Variants in TCTN2 observed in about 807,000 individuals in gnomAD.
TCTN2 encodes tectonic family member 2.
In TCTN2, 66 loss-of-function variants were observed where a neutral mutation model predicts 83.4. That is an observed-to-expected ratio of 0.79 (90% CI 0.65 to 0.97). The LOEUF is 0.97. Among genes scored for constraint, TCTN2 ranks in the 50% least tolerant of loss-of-function variants. The probability of loss-of-function intolerance (pLI) is 0.00; values close to 1 mark genes in which losing one functional copy is unlikely to be tolerated. For missense variants in TCTN2, 794 were observed against 858.1 expected (o/e 0.93, Z 0.93); for synonymous variants, 301 against 326.7 (o/e 0.92, Z 0.85).
At position 123,682,211 on chromosome 12, in the gene TCTN2, A is replaced by G. The variant is rs147494896; in HGVS notation, c.564+2922A>G. Among the ~76,000 whole-genome samples the G allele has an allele frequency of 2.0e-3, 307 of 152,234 alleles. 1 individual carries two copies. Among genetic ancestry groups the G allele is most frequent in the African/African-American group, 6.7e-3 (279 of 41,560 alleles). ...GGTCTACAATTCCTGGGCTCAAGCA[A>G]TCCTCTGGCCTCAGCCTCCCAAAGT... On this transcript the variant is annotated intron_variant, in intron 5 of 17. Coordinates refer to ENST00000303372, the MANE Select transcript of TCTN2 (RefSeq NM_024809.5).
Position 123,699,767 on chromosome 12 carries a change from C to G in TCTN2, c.1569C>G (p.Asn523Lys). 6 of 1,614,174 alleles carry G rather than the reference C, an allele frequency of 3.7e-6. No homozygotes were observed. Among genetic ancestry groups the G allele is most frequent in the Non-Finnish European group, 5.1e-6 (6 of 1,180,026 alleles). ...IQATHVAMRG[N>K]SDYADLSDGW... ...CGACTCACGTTGCAATGAGAGGCAACTCCGATTACGCTGATCTTAGTGATG... is the reference window on the plus strand; with the variant it reads ...CGACTCACGTTGCAATGAGAGGCAAGTCCGATTACGCTGATCTTAGTGATG... The change falls in exon 14 of 18, where the codon AAC (asparagine) becomes AAG (lysine). Residue 523 changes from asparagine to lysine, a missense_variant. Coordinates refer to ENST00000303372, the MANE Select transcript of TCTN2 (RefSeq NM_024809.5).
intron 14 of TCTN2, among the ~76,000 whole-genome samples, chr12:123,701,681 T>C (rs1430375410): frequency 6.6e-6 from 1 of 150,758 alleles, no homozygotes; most frequent in Non-Finnish European, 1.5e-5. Context: ...AGGCGGAGCT[T>C]GCTGTGAGCC....
intron 15 of TCTN2, 117 bp downstream of exon 15, chr12:123,704,805 T>C (rs994290376): frequency 7.1e-6 from 8 of 1,125,278 alleles, no homozygotes; most frequent in Admixed American, 1.9e-5. Context: ...CTTGCAATTA[T>C]TAGCAAGATG....
In TCTN2 at chr12:123,699,684, A is replaced by G. The variant is rs1011092991; in HGVS notation, c.1506-20A>G. On this transcript the variant is annotated intron_variant, in intron 13 of 17. Transcript: ENST00000303372. ...AAGACCTGCTGGCCATGAGCTGAGA[A>G]ATGTCTTACTCTCTTGCAGGGAGAA... The G allele has an allele frequency of 6.3e-7, 1 of 1,596,348 alleles. No homozygotes were observed. The highest frequency in any genetic ancestry group is 8.6e-7 in the Non-Finnish European group (1 of 1,163,840).
At position 123,704,758 on chromosome 12, in the gene TCTN2, G is replaced by A. The variant is rs1956211334; in HGVS notation, c.1769+70G>A. The A allele has an allele frequency of 3.9e-6, 6 of 1,529,914 alleles. No homozygotes were observed. The Admixed American group carries it at 1.0e-4, about 26-fold the overall frequency. The allele number at this position is 1,529,914 out of a possible 1,614,324, so 94.8% of individuals were successfully genotyped here. A position where few individuals can be genotyped will look rare whatever the true frequency, so the allele number is the denominator to read the frequency against. ...AAGTTGAGAGCATCCCAAACAATAG[G>A]GAAATGTTTATTTAGAAACTGATTG... On this transcript the variant is annotated intron_variant, in intron 15 of 17. Transcript: ENST00000303372.
Position 123,671,319 on chromosome 12 carries a change from C to CTGGG in TCTN2, c.82_82+3dup. The CTGGG allele has an allele frequency of 6.2e-7, 1 of 1,613,740 alleles. No homozygotes were observed. The highest frequency in any genetic ancestry group is 8.5e-7 in the Non-Finnish European group (1 of 1,179,910). ...CATCCTGAGGCTTCTGTGGGGGGAC[C>CTGGG]TGGGTGTGTACGGCGCGGCAGTGAC... is the stretch of plus-strand genomic sequence containing the variant. On this transcript the variant is annotated frameshift_variant, in exon 1 of 18. Coordinates refer to ENST00000303372, the MANE Select transcript of TCTN2 (RefSeq NM_024809.5). LOFTEE classifies it high-confidence loss of function.
rs1566251659 is a variant in TCTN2 at position 123,686,903 on chromosome 12, T to A, written c.632T>A (p.Val211Asp). 1 of 1,614,198 alleles carries A rather than the reference T, an allele frequency of 6.2e-7. No homozygotes were observed. ...SCFTGVFGGD[V>D]NPPFDQLCSA... The stretch of plus-strand genomic sequence containing the variant: ...TTCACCGGCGTGTTTGGAGGAGACG[T>A]CAATCCTCCTTTTGATCAGCTCTGC... The change falls in exon 6 of 18, where the codon GTC becomes GAC. Residue 211 changes from valine to aspartate, a missense_variant. Physicochemically the swap from Val to Asp is radical, Grantham distance 152. Transcript: ENST00000303372.
chr12:123,692,776 C>T, intron 9 of TCTN2, 53 bp downstream of exon 9: 6 of 1,390,776 alleles, frequency 4.3e-6, no homozygotes, highest in Admixed American at 1.7e-5. Flanking sequence ...TATGTCATTT[C>T]TTACAAGTAA....
rs528503122 is a variant in TCTN2, at chr12:123,671,723, A to C, written c.190+109A>C. 11 of 918,438 alleles carry C rather than the reference A, an allele frequency of 1.2e-5. No individual in the cohort carries two copies. The East Asian group carries it at 2.8e-4, about 24-fold the overall frequency. 56.9% of individuals were successfully genotyped at this position (918,438 alleles called of 1,614,324 possible). ...GGGCCCCCTGCCTCTGTTCTCTGCA[A>C]AGTCGCATGGGGAGAAAAGGATCGG... On this transcript the variant is annotated intron_variant, in intron 2 of 17. Transcript: ENST00000303372.
At chr12:123,675,781 A>G (rs930098639) in intron 4 of TCTN2, among the ~76,000 whole-genome samples, 7 of 152,232 alleles carry the variant, frequency 4.6e-5, no homozygotes, top group Non-Finnish European at 1.0e-4. Flanking sequence ...AAGGGCTGAC[A>G]GTGAGGAATT....
Position 123,707,043 on chromosome 12 carries a change from C to G in TCTN2, c.1954C>G (p.Leu652Val). 6.2e-7 allele frequency: 1 copy of G among 1,613,734 alleles called. No homozygotes were observed. Among genetic ancestry groups the G allele is most frequent in the Non-Finnish European group, 8.5e-7 (1 of 1,179,988 alleles). ...CNRNEVCWPQLLYPWTQYYQG... is the reference protein window; with the variant it reads ...CNRNEVCWPQVLYPWTQYYQG... The stretch of plus-strand genomic sequence containing the variant: ...CAGAAATGAGGTGTGTTGGCCGCAG[C>G]TTCTATATCCATGGACTCAGTATTA... Residue 652 changes from leucine (L) to valine (V), a missense_variant, in exon 17 of 18, where the codon CTT (leucine) becomes GTT (valine). By Grantham distance (32) the Leu-to-Val change is conservative. Coordinates refer to ENST00000303372, the MANE Select transcript of TCTN2 (RefSeq NM_024809.5).
At position 123,692,805 on chromosome 12, in the gene TCTN2, A is replaced by G. The variant is rs1956059610; in HGVS notation, c.1099+82A>G. On this transcript the variant is annotated intron_variant, in intron 9 of 17. Coordinates refer to ENST00000303372, the MANE Select transcript of TCTN2 (RefSeq NM_024809.5). ...CAAGTAATATATACCCTCAGAGTGTATATTTTTGTTAGTCATTTAAAAAGG... is the reference window on the plus strand; with the variant it reads ...CAAGTAATATATACCCTCAGAGTGTGTATTTTTGTTAGTCATTTAAAAAGG... 4 of 1,119,164 alleles carry G rather than the reference A, an allele frequency of 3.6e-6. No individual in the cohort carries two copies. In the East Asian group the frequency reaches 7.2e-5, roughly 20 times the overall value. The allele number at this position is 1,119,164 out of a possible 1,614,324, so 69.3% of individuals were successfully genotyped here. A position where few individuals can be genotyped will look rare whatever the true frequency, so the allele number is the denominator to read the frequency against.
chr12:123,685,995 T>C (rs1433432091), intron 5 of TCTN2, among the ~76,000 whole-genome samples: 2 of 151,674 alleles, frequency 1.3e-5, no homozygotes, highest in East Asian at 3.9e-4. Context: ...CCTCCCAAAA[T>C]GTTAGGATTT....
chr12:123,671,258 G>A lies in TCTN2; in HGVS notation c.18G>A (p.Pro6=), dbSNP rs1247539128. Residue 6 remains proline, a synonymous_variant, in exon 1 of 18, where the codon CCG becomes CCA. Coordinates refer to ENST00000303372, the MANE Select transcript of TCTN2 (RefSeq NM_024809.5). MGFQP[P]AALLLRLFLL... is the part of the protein sequence containing the mutation. ...TCTAAGGCATGGGCTTCCAGCCTCC[G>A]GCCGCTCTTCTTTTGAGGCTTTTCC... 2.5e-6 allele frequency: 4 copies of A among 1,613,412 alleles called. No individual in the cohort carries two copies. The highest frequency in any genetic ancestry group is 1.7e-5 in the Admixed American group (1 of 59,958).
chr12:123,706,697 A>G (rs918110718), intron 15 of TCTN2, 29 bp from the exon 16 acceptor site: 4 of 1,613,860 alleles, frequency 2.5e-6, no homozygotes, highest in Non-Finnish European at 3.4e-6. Flanking sequence ...AATGGTGGCT[A>G]TGCTGACCAT....
At position 123,686,835 on chromosome 12, in the gene TCTN2, G is replaced by C. The variant is rs780032084; in HGVS notation, c.565-1G>C. The C allele has an allele frequency of 1.2e-6, 2 of 1,614,204 alleles. No individual in the cohort carries two copies. Among genetic ancestry groups the C allele is most frequent in the Admixed American group, 3.3e-5 (2 of 60,020 alleles). On this transcript the variant is annotated splice_acceptor_variant, in intron 5 of 17. Coordinates refer to ENST00000303372, the MANE Select transcript of TCTN2 (RefSeq NM_024809.5). LOFTEE classifies it high-confidence loss of function. Reference sequence around the variant, plus strand: ...CTCCTGCCTTTATGTTTGTCTTCCAGGAATGCTCATCAAATTTAACAACGC... The same window carrying C: ...CTCCTGCCTTTATGTTTGTCTTCCACGAATGCTCATCAAATTTAACAACGC...
At chr12:123,674,043 G>A (rs1955790318) in intron 4 of TCTN2, among the ~76,000 whole-genome samples, 1 of 152,082 alleles carries the variant, frequency 6.6e-6, no homozygotes, top group African/African-American at 2.4e-5. Context: ...TTTGTGTCAA[G>A]CTTACCTGTT....
chr12:123,693,468 T>TC (rs112025360), intron 9 of TCTN2, among the ~76,000 whole-genome samples: 48,375 of 141,656 alleles, frequency 0.34, 8,983 homozygotes, highest in African/African-American at 0.39. Context: ...TTTTTTTTTT[T>TC]TTGAGATGGA....
At chr12:123,700,491 G>A (rs1311670160) in intron 14 of TCTN2, among the ~76,000 whole-genome samples, 1 of 152,172 alleles carries the variant, frequency 6.6e-6, no homozygotes, top group African/African-American at 2.4e-5. Flanking sequence ...GGAGTGCAAT[G>A]GCACAATCTC....
Sources: gnomAD v4.1 joint callset for allele counts (sites outside exome capture counted in the v4.1 genomes callset) on GRCh38, gnomAD v4.1.1 for gene constraint, MANE v1.5 for transcripts, NCBI Gene and HGNC (gene_info 2026-07-23, HGNC 2026-07-21) for gene names.